The following TRDN variants were observed in gnomAD, a reference collection of about 807,000 sequenced individuals.
TRDN encodes triadin, also known as triadin in skeletal muscle.
TRDN carries 161 observed loss-of-function variants against 149.7 expected under a neutral mutation model. That is an observed-to-expected ratio of 1.08 (90% CI 0.95 to 1.23). TRDN has a LOEUF of 1.23. Ranked by LOEUF, TRDN falls within the 50% of genes most tolerant of loss-of-function variation. The pLI is 0.00. For missense variants in TRDN, 896 were observed against 823.5 expected, an observed-to-expected ratio of 1.09 and a Z score of -1.08; for synonymous variants, 294 against 250.5, an observed-to-expected ratio of 1.17 and a Z score of -1.64.
intron 2 of TRDN, 95 bp from the exon 3 acceptor site, chr6:123,548,707 A>G (rs894107579): frequency 2.3e-5 from 25 of 1,076,310 alleles, no homozygotes; most frequent in Non-Finnish European, 2.9e-5. Flanking sequence ...TGTTTTGACA[A>G]AAAGAATATG....
intron 10 of TRDN, among the ~76,000 whole-genome samples, chr6:123,449,500 C>T (rs771634245): frequency 3.3e-5 from 5 of 152,042 alleles, no homozygotes; most frequent in Admixed American, 6.6e-5. Flanking sequence ...TTTGAATTAA[C>T]CCAATCCAAT....
At chr6:123,339,724 ATT>A (rs1779999493) in intron 21 of TRDN, among the ~76,000 whole-genome samples, 1 of 152,160 alleles carries the variant, frequency 6.6e-6, no homozygotes, top group Non-Finnish European at 1.5e-5. Context: ...GTGAACAATT[ATT>A]TTCTTAATAA....
intron 1 of TRDN, among the ~76,000 whole-genome samples, chr6:123,614,300 C>CAAAAAAA (rs1199509406): frequency 2.0e-5 from 2 of 99,852 alleles, no homozygotes; most frequent in Non-Finnish European, 2.0e-5. Context: ...AAAAAAAAAA[C>CAAAAAAA]AAAAAAAAAA....
At chr6:123,337,210 T>A (rs983503389) in intron 22 of TRDN, among the ~76,000 whole-genome samples, 1 of 152,082 alleles carries the variant, frequency 6.6e-6, no homozygotes, top group African/African-American at 2.4e-5. Context: ...GCCATTTTTG[T>A]TGTCATCATC....
At chr6:123,270,165 C>T (rs1213378278) in intron 30 of TRDN, among the ~76,000 whole-genome samples, 2 of 151,932 alleles carry the variant, frequency 1.3e-5, no homozygotes, top group Non-Finnish European at 2.9e-5. Context: ...GAATGAGATA[C>T]TCAGGTGGCC....
chr6:123,579,303 G>C (rs1012663067), intron 1 of TRDN, among the ~76,000 whole-genome samples: 1 of 152,068 alleles, frequency 6.6e-6, no homozygotes, highest in Admixed American at 6.6e-5. Context: ...TTATTATTTT[G>C]AGGTATGTTC....
At chr6:123,548,752 A>AT (rs1187198067) in intron 2 of TRDN, 140 bp from the exon 3 acceptor site, 3 of 770,508 alleles carry the variant, frequency 3.9e-6, no homozygotes, top group Non-Finnish European at 5.4e-6. Flanking sequence ...CCTGGCTACA[A>AT]TTTTTTGCGC....
intron 19 of TRDN, among the ~76,000 whole-genome samples, chr6:123,374,477 TA>T (rs1211739796): frequency 6.6e-6 from 1 of 152,122 alleles, no homozygotes; most frequent in Non-Finnish European, 1.5e-5. Flanking sequence ...TACATTTAAC[TA>T]AAAATTTTCA....
chr6:123,480,101 A>G (rs1225901468), intron 9 of TRDN, among the ~76,000 whole-genome samples: 2 of 152,098 alleles, frequency 1.3e-5, no homozygotes, highest in African/African-American at 4.8e-5. Context: ...AGAAGTGGCT[A>G]TAGAATAAAT....
chr6:123,582,167 A>G (rs1052185491), intron 1 of TRDN, among the ~76,000 whole-genome samples: 1 of 152,138 alleles, frequency 6.6e-6, no homozygotes, highest in African/African-American at 2.4e-5. Flanking sequence ...GAGTGAGACA[A>G]CTCGAAATGG....
chr6:123,352,502 A>G, intron 21 of TRDN, 37 bp downstream of exon 21: 2 of 1,606,416 alleles, frequency 1.2e-6, no homozygotes, highest in African/African-American at 1.3e-5. Context: ...TTGTCTTTCT[A>G]AAGAAGATAA....
intron 12 of TRDN, among the ~76,000 whole-genome samples, chr6:123,428,691 C>T (rs1774219885): frequency 6.6e-6 from 1 of 152,132 alleles, no homozygotes; most frequent in South Asian, 2.1e-4. Flanking sequence ...TACCTAATTA[C>T]ATAGGTCGGT....
chr6:123,257,232 C>T (rs554198385), intron 35 of TRDN, among the ~76,000 whole-genome samples: 1 of 152,176 alleles, frequency 6.6e-6, no homozygotes, highest in South Asian at 2.1e-4. Flanking sequence ...CCCACATCAG[C>T]CTCCCAAAGT....
chr6:123,230,424 T>C (rs946547508), intron 38 of TRDN, among the ~76,000 whole-genome samples: 16 of 151,766 alleles, frequency 1.1e-4, no homozygotes, highest in African/African-American at 3.9e-4. Context: ...TATTAGGAGA[T>C]ATGCCTAATG....
intron 18 of TRDN, 59 bp from the exon 19 acceptor site, chr6:123,375,690 C>A: frequency 7.9e-7 from 1 of 1,272,622 alleles, no homozygotes; most frequent in Non-Finnish European, 1.1e-6. Flanking sequence ...TATCTCTTTC[C>A]AAAATAATTG....
At chr6:123,312,446 T>G (rs1778862262) in intron 24 of TRDN, among the ~76,000 whole-genome samples, 1 of 151,992 alleles carries the variant, frequency 6.6e-6, no homozygotes, top group Non-Finnish European at 1.5e-5. Flanking sequence ...TATGATATTT[T>G]AAATAATATT....
At chr6:123,435,416 T>C (rs1457987041) in intron 12 of TRDN, among the ~76,000 whole-genome samples, 2 of 151,960 alleles carry the variant, frequency 1.3e-5, no homozygotes, top group Admixed American at 1.3e-4. Context: ...CATATTGCTG[T>C]CACATGAAAA....
intron 26 of TRDN, among the ~76,000 whole-genome samples, chr6:123,275,472 G>T (rs1162842827): frequency 6.6e-6 from 1 of 152,070 alleles, no homozygotes; most frequent in Non-Finnish European, 1.5e-5. Flanking sequence ...AAGAAGTGTT[G>T]CTTTGTCAAC....
intron 38 of TRDN, among the ~76,000 whole-genome samples, chr6:123,240,074 G>A (rs1308228949): frequency 6.6e-6 from 1 of 151,848 alleles, no homozygotes; most frequent in African/African-American, 2.4e-5. Context: ...ACCAATACAT[G>A]TCATAAAATT....
Sources: allele counts gnomAD v4.1 joint callset (sites outside exome capture counted in the v4.1 genomes callset), GRCh38; gene constraint gnomAD v4.1.1; transcripts MANE v1.5; gene names NCBI Gene and HGNC (gene_info 2026-07-23, HGNC 2026-07-21).